The following CNOT1 variants were observed in gnomAD, a reference collection of about 807,000 sequenced individuals.
The protein encoded by CNOT1 is CCR4-associated factor 1.
Under a neutral mutation model 273.8 loss-of-function variants are expected in CNOT1, and 15 were observed. The ratio of observed to expected loss-of-function variants is 0.05; its 90% CI spans 0.04 to 0.08. The LOEUF (loss-of-function observed/expected upper bound fraction) is 0.08, where lower values mean the gene tolerates loss of function less well. Among genes scored for constraint, CNOT1 ranks in the 10% least tolerant of loss-of-function variants. CNOT1 has a pLI of 1.00. For missense variants in CNOT1, 1,644 were observed against 2,912.2 expected (o/e 0.56, Z 10.02); for synonymous variants, 1,022 against 1,005.5 (o/e 1.02, Z -0.31).
chr16:58,549,983 C>T (rs1175568611), intron 24 of CNOT1, 85 bp from the exon 25 acceptor site: 56 of 1,558,586 alleles, frequency 3.6e-5, no homozygotes, highest in Non-Finnish European at 4.5e-5. Context: ...CTATACAGCA[C>T]ATGGCTCCTT....
chr16:58,616,138 G>A lies in CNOT1; in HGVS notation c.-175+13590C>T, dbSNP rs1292723175. ...TGTTAGTTTTTTCAGACGGAGTCTC[G>A]CTCTGTTGCCCAGGCTGGAGTGCAG... On this transcript the variant is annotated intron_variant, in intron 1 of 48. Transcript: ENST00000317147. 4.0e-5 allele frequency among the ~76,000 whole-genome samples: 5 copies of A among 125,402 alleles called. 2 individuals carry two copies. Among genetic ancestry groups the A allele is most frequent in the East Asian group, 3.9e-4 (2 of 5,148 alleles). The allele number at this position is 125,402 out of a possible 152,430, so 82.3% of individuals were successfully genotyped here. A position where few individuals can be genotyped will look rare whatever the true frequency, so the allele number is the denominator to read the frequency against.
At chr16:58,603,583 G>C (rs1338158814) in intron 1 of CNOT1, among the ~76,000 whole-genome samples, 1 of 152,042 alleles carries the variant, frequency 6.6e-6, no homozygotes, top group East Asian at 1.9e-4. Flanking sequence ...CCTAACCACT[G>C]ATACTCTTCC....
chr16:58,564,659 TAC>T (rs1380337011), intron 16 of CNOT1, among the ~76,000 whole-genome samples: 4 of 152,164 alleles, frequency 2.6e-5, no homozygotes, highest in Admixed American at 1.3e-4. Context: ...TCTTATTTCT[TAC>T]ACAGTTTCAA....
chr16:58,524,804 G>C (rs564422873), intron 46 of CNOT1, among the ~76,000 whole-genome samples: 33 of 152,188 alleles, frequency 2.2e-4, no homozygotes, highest in Non-Finnish European at 4.1e-4. Context: ...CTTTATACAT[G>C]AACATTTAAC....
intron 44 of CNOT1, among the ~76,000 whole-genome samples, chr16:58,527,178 G>A (rs1267659687): frequency 6.6e-6 from 1 of 151,934 alleles, no homozygotes; most frequent in Admixed American, 6.6e-5. Context: ...ACCTCAAATC[G>A]AAAATATGGG....
intron 2 of CNOT1, among the ~76,000 whole-genome samples, chr16:58,594,803 A>AAAAAAAAAAAAG (rs2042191287): frequency 7.1e-6 from 1 of 141,304 alleles, no homozygotes; most frequent in Non-Finnish European, 1.5e-5. Flanking sequence ...CTGTCTCATT[A>AAAAAAAAAAAAG]AAAAAAAAAA....
chr16:58,559,632 G>A (rs1044983659), intron 17 of CNOT1, among the ~76,000 whole-genome samples: 1 of 152,136 alleles, frequency 6.6e-6, no homozygotes, highest in Non-Finnish European at 1.5e-5. Context: ...CATGGCTATA[G>A]AAAATGACAA....
At chr16:58,532,422 T>C (rs988734867) in intron 40 of CNOT1, 27 bp from the exon 41 acceptor site, 1 of 1,604,256 alleles carries the variant, frequency 6.2e-7, no homozygotes, top group Admixed American at 1.7e-5. Context: ...TCAGAGCTTG[T>C]AAATCATTCA....
chr16:58,553,046 G>A (rs1205369452), intron 22 of CNOT1, among the ~76,000 whole-genome samples: 1 of 152,154 alleles, frequency 6.6e-6, no homozygotes. Context: ...GCGGAGGTGG[G>A]CGGATCACCT....
intron 47 of CNOT1, among the ~76,000 whole-genome samples, chr16:58,521,900 G>T (rs932770448): frequency 6.6e-6 from 1 of 152,116 alleles, no homozygotes; most frequent in Non-Finnish European, 1.5e-5. Context: ...GTGGTGAGCC[G>T]AGATGGTGCC....
chr16:58,582,872 C>T lies in CNOT1; in HGVS notation c.965G>A (p.Ser322Asn). Residue 322 changes from serine (S) to asparagine (N), a missense_variant, in exon 10 of 49, where the codon AGT (serine) becomes AAT (asparagine). Transcript: ENST00000317147. Reference sequence around the variant, plus strand: ...TCCATCACTTTTATCTTTCCCATCACTCCAGATCCCACTGCCCGGAGCAGA... The same window carrying T: ...TCCATCACTTTTATCTTTCCCATCATTCCAGATCCCACTGCCCGGAGCAGA... Reference protein sequence around the residue: ...SISAPGSGIWSDGKDKSDGAQ... With the variant: ...SISAPGSGIWNDGKDKSDGAQ... 1 of 1,610,248 alleles carries T rather than the reference C, an allele frequency of 6.2e-7. No individual in the cohort carries two copies. Among genetic ancestry groups the T allele is most frequent in the Non-Finnish European group, 8.5e-7 (1 of 1,176,498 alleles).
At position 58,599,341 on chromosome 16, in the gene CNOT1, T is replaced by G. The variant is rs1239093353; in HGVS notation, c.-4A>C. On this transcript the variant is annotated 5_prime_UTR_variant, in exon 2 of 49. Coordinates refer to ENST00000317147, the MANE Select transcript of CNOT1 (RefSeq NM_016284.5). ...GCGAGAGCGAGTCAAGATTCATTGC[T>G]GGTTGGGGCGGAAGCAGGCGGCCGA... is the stretch of plus-strand genomic sequence containing the variant. 1 of 1,614,164 alleles carries G rather than the reference T, an allele frequency of 6.2e-7. No individual in the cohort carries two copies. The highest frequency in any genetic ancestry group is 1.1e-5 in the South Asian group (1 of 91,092).
Position 58,599,451 on chromosome 16 carries a change from T to A in CNOT1, c.-114A>T. 1 of 1,289,920 alleles carries A rather than the reference T, an allele frequency of 7.8e-7. No individual in the cohort carries two copies. Among genetic ancestry groups the A allele is most frequent in the Non-Finnish European group, 1.1e-6 (1 of 923,294 alleles). 79.9% of individuals were successfully genotyped at this position (1,289,920 alleles called of 1,614,324 possible). Reference sequence around the variant, plus strand: ...CTTTGTAATTAGGCTATATCTGGTATCTGTATAATATCTTCAGTTCTTCTT... The same window carrying A: ...CTTTGTAATTAGGCTATATCTGGTAACTGTATAATATCTTCAGTTCTTCTT... On this transcript the variant is annotated 5_prime_UTR_variant, in exon 2 of 49. Transcript: ENST00000317147.
intron 40 of CNOT1, among the ~76,000 whole-genome samples, chr16:58,533,791 CTCCAGTCTGGGCGACAGAGCGAGACTCCA>C (rs950225152): frequency 3.9e-5 from 6 of 152,172 alleles, no homozygotes; most frequent in African/African-American, 1.4e-4. Flanking sequence ...CACCACTGCA[CTCCAGTCTGGGCGACAGAGCGAGACTCCA>C]TCTCAAATAA....
chr16:58,594,198 C>G (rs1343489659), intron 2 of CNOT1, among the ~76,000 whole-genome samples: 1 of 151,972 alleles, frequency 6.6e-6, no homozygotes, highest in Non-Finnish European at 1.5e-5. Flanking sequence ...GAGTGGAGAT[C>G]ATGCCACTGT....
intron 42 of CNOT1, chr16:58,530,627 A>T (rs1035540454): frequency 4.7e-6 from 1 of 210,948 alleles, no homozygotes; most frequent in African/African-American, 2.3e-5. Context: ...AACTAAGAAT[A>T]CAAAAAATTA....
intron 1 of CNOT1, among the ~76,000 whole-genome samples, chr16:58,612,877 T>C (rs1323965902): frequency 6.6e-6 from 1 of 152,212 alleles, no homozygotes; most frequent in Non-Finnish European, 1.5e-5. Context: ...GAATAACTTA[T>C]GCAAGTATAA....
intron 16 of CNOT1, among the ~76,000 whole-genome samples, chr16:58,570,780 G>A (rs1485988859): frequency 1.3e-5 from 2 of 152,118 alleles, no homozygotes; most frequent in African/African-American, 4.8e-5. Context: ...ATTGGAGTAA[G>A]TTAAAATGTT....
intron 42 of CNOT1, among the ~76,000 whole-genome samples, chr16:58,531,711 A>G (rs2039783915): frequency 1.3e-5 from 2 of 152,114 alleles, no homozygotes; most frequent in Non-Finnish European, 2.9e-5. Context: ...ACAATAAAAA[A>G]AAACTTGAGA....
Sources: gnomAD v4.1 joint callset for allele counts (sites outside exome capture counted in the v4.1 genomes callset) on GRCh38, gnomAD v4.1.1 for gene constraint, MANE v1.5 for transcripts, NCBI Gene and HGNC (gene_info 2026-07-23, HGNC 2026-07-21) for gene names.